Variants in TSPYL1 observed in about 807,000 individuals in gnomAD.
TSPYL1 encodes the protein TSPY like 1, also known as testis-specific Y-encoded-like protein 1.
Under a neutral mutation model 20.1 loss-of-function variants are expected in TSPYL1, and 16 were observed. The observed-to-expected ratio is 0.80, with a 90% CI of 0.54 to 1.21. TSPYL1 has a LOEUF of 1.21. Among genes scored for constraint, TSPYL1 ranks in the 50% most tolerant of loss-of-function variants. TSPYL1 has a pLI of 0.00. For synonymous variants in TSPYL1, 259 were observed against 227.1 expected (o/e 1.14, Z -1.26); for missense variants, 560 against 569.3 (o/e 0.98, Z 0.17).
rs563348468 is a variant in TSPYL1, at chr6:116,276,596, A to G, written c.*1921T>C. The G allele has an allele frequency of 1.3e-5, 2 of 152,208 alleles. No individual in the cohort carries two copies. Among genetic ancestry groups the G allele is most frequent in the African/African-American group, 4.8e-5 (2 of 41,476 alleles). 9.4% of individuals were successfully genotyped at this position (152,208 alleles called of 1,614,324 possible). A position where few individuals can be genotyped will look rare whatever the true frequency, so the allele number is the denominator to read the frequency against. On this transcript the variant is annotated 3_prime_UTR_variant, in exon 1 of 1. Coordinates refer to ENST00000368608, the MANE Select transcript of TSPYL1 (RefSeq NM_003309.4). ...ACTTTAATGATTTTAATCCATTAAGAACTTTAATGATTTTAATCCATTAAG... is the reference window on the plus strand; with the variant it reads ...ACTTTAATGATTTTAATCCATTAAGGACTTTAATGATTTTAATCCATTAAG...
Position 116,279,076 on chromosome 6 carries a change from T to G in TSPYL1, c.755A>C (p.Gln252Pro). The change falls in exon 1 of 1, where the codon CAG becomes CCG. Residue 252 changes from glutamine (Q) to proline (P), a missense_variant. Coordinates refer to ENST00000368608, the MANE Select transcript of TSPYL1 (RefSeq NM_003309.4). ...CATCCGCCCAAACTTGTGCTCCAGC[T>G]GTTGGAAGGCCCTGTCGGCCTGAGC... ...VNAQADRAFQQLEHKFGRMRR... is the reference protein window; with the variant it reads ...VNAQADRAFQPLEHKFGRMRR... 6.2e-7 allele frequency: 1 copy of G among 1,613,482 alleles called. No individual in the cohort carries two copies. The highest frequency in any genetic ancestry group is 8.5e-7 in the Non-Finnish European group (1 of 1,179,466).
chr6:116,279,540 C>T lies in TSPYL1; in HGVS notation c.291G>A (p.Gly97=), dbSNP rs1773364923. The change falls in exon 1 of 1, where the codon GGG becomes GGA. Residue 97 remains glycine (G), a synonymous_variant. Transcript: ENST00000368608. ...GGRGHVAIKA[G]QEEGQPPAEG... is the part of the protein sequence containing the mutation. ...CGGCGGGAGGCTGGCCCTCTTCCTG[C>T]CCGGCTTTGATCGCCACATGACCGC... is the stretch of plus-strand genomic sequence containing the variant. 6.2e-7 allele frequency: 1 copy of T among 1,605,238 alleles called. No individual in the cohort carries two copies. Among genetic ancestry groups the T allele is most frequent in the Non-Finnish European group, 8.5e-7 (1 of 1,179,982 alleles).
rs1377271875 is a variant in TSPYL1, at chr6:116,275,702, A to C, written c.*2815T>G. On this transcript the variant is annotated 3_prime_UTR_variant, in exon 1 of 1. Coordinates refer to ENST00000368608, the MANE Select transcript of TSPYL1 (RefSeq NM_003309.4). ...GTAGTCCCAGCTACTCGGGAGGCTGATGCTGGAGAACTGCTTGAAACCGGG... is the reference window on the plus strand; with the variant it reads ...GTAGTCCCAGCTACTCGGGAGGCTGCTGCTGGAGAACTGCTTGAAACCGGG... Among the ~76,000 whole-genome samples the C allele has an allele frequency of 6.6e-6, 1 of 151,482 alleles. No individual in the cohort carries two copies. Among genetic ancestry groups the C allele is most frequent in the African/African-American group, 2.4e-5 (1 of 41,192 alleles).
Position 116,278,948 on chromosome 6 carries a change from C to G in TSPYL1, c.883G>C (p.Gly295Arg). 2 of 1,614,056 alleles carry G rather than the reference C, an allele frequency of 1.2e-6. No homozygotes were observed. Among genetic ancestry groups the G allele is most frequent in the Non-Finnish European group, 1.7e-6 (2 of 1,180,032 alleles). ...TACCTTAACATCTCTGCATCTTGGC[C>G]CCTAATCATGGCGGACAACTGGGGG... ...NHPQLSAMIR[G>R]QDAEMLRYIT... Residue 295 changes from glycine to arginine, a missense_variant, in exon 1 of 1, where the codon GGC becomes CGC. Coordinates refer to ENST00000368608, the MANE Select transcript of TSPYL1 (RefSeq NM_003309.4).
In TSPYL1 at chr6:116,279,081, G is replaced by C. The variant is rs1186578989; in HGVS notation, c.750C>G (p.Phe250Leu). ...GCCCAAACTTGTGCTCCAGCTGTTG[G>C]AAGGCCCTGTCGGCCTGAGCATTCA... ...DTVNAQADRA[F>L]QQLEHKFGRM... The change falls in exon 1 of 1, where the codon TTC (phenylalanine) becomes TTG (leucine). Residue 250 changes from phenylalanine to leucine, a missense_variant. Physicochemically the swap from Phe to Leu is conservative, Grantham distance 22 (BLOSUM62 0). Coordinates refer to ENST00000368608, the MANE Select transcript of TSPYL1 (RefSeq NM_003309.4). 2 of 1,613,502 alleles carry C rather than the reference G, an allele frequency of 1.2e-6. No individual in the cohort carries two copies. Among genetic ancestry groups the C allele is most frequent in the South Asian group, 2.2e-5 (2 of 91,082 alleles).
rs1425531663 is a variant in TSPYL1 at position 116,278,102 on chromosome 6, G to A, written c.*415C>T. The A allele has an allele frequency of 4.5e-6, 1 of 220,948 alleles. No homozygotes were observed. The allele number at this position is 220,948 out of a possible 1,614,324, so 13.7% of individuals were successfully genotyped here. A position where few individuals can be genotyped will look rare whatever the true frequency, so the allele number is the denominator to read the frequency against. On this transcript the variant is annotated 3_prime_UTR_variant, in exon 1 of 1. Transcript: ENST00000368608. ...ATTAACGTCCAGTAACTGTCCACAG[G>A]GCATGTGCCCATACTGCTCAATGCA...
Position 116,279,843 on chromosome 6 carries a change from C to A in TSPYL1, c.-13G>T. 6.2e-7 allele frequency: 1 copy of A among 1,613,016 alleles called. No individual in the cohort carries two copies. Among genetic ancestry groups the A allele is most frequent in the Non-Finnish European group, 8.5e-7 (1 of 1,180,020 alleles). ...CCAGGCCGCTCATGTTGCTAACAGT[C>A]GGACCAACCGCAGGCGAACGCCCGT... On this transcript the variant is annotated 5_prime_UTR_variant, in exon 1 of 1. Coordinates refer to ENST00000368608, the MANE Select transcript of TSPYL1 (RefSeq NM_003309.4).
At position 116,278,283 on chromosome 6, in the gene TSPYL1, C is replaced by T; in HGVS notation, c.*234G>A. ...GGCTTACAAGTAGTGTGAAGGATGA[C>T]CTCGTAGCATGTGATATTCCAGAAC... On this transcript the variant is annotated 3_prime_UTR_variant, in exon 1 of 1. Transcript: ENST00000368608. The T allele has an allele frequency of 1.8e-6, 1 of 545,074 alleles. No individual in the cohort carries two copies. 33.8% of individuals were successfully genotyped at this position (545,074 alleles called of 1,614,324 possible). A position where few individuals can be genotyped will look rare whatever the true frequency, so the allele number is the denominator to read the frequency against.
At position 116,279,812 on chromosome 6, in the gene TSPYL1, C is replaced by A; in HGVS notation, c.19G>T (p.Val7Phe). MSGLDG[V>F]KRTTPLQTHS... ...GTTTGGAGGGGAGTGGTCCTCTTGA[C>A]CCCATCCAGGCCGCTCATGTTGCTA... Residue 7 changes from valine (V) to phenylalanine (F), a missense_variant, in exon 1 of 1, where the codon GTC becomes TTC. Coordinates refer to ENST00000368608, the MANE Select transcript of TSPYL1 (RefSeq NM_003309.4). The A allele has an allele frequency of 6.2e-7, 1 of 1,613,018 alleles. No individual in the cohort carries two copies. Among genetic ancestry groups the A allele is most frequent in the Middle Eastern group, 1.6e-4 (1 of 6,062 alleles).
rs1236596642 is a variant in TSPYL1 at position 116,275,505 on chromosome 6, CATT to C, written c.*3009_*3011del. ...TTTATCTGCTGACAACTATGCAAAACATTATGCTAGATGGGCTGGGTGCGGTGG... is the reference window on the plus strand; with the variant it reads ...TTTATCTGCTGACAACTATGCAAAACATGCTAGATGGGCTGGGTGCGGTGG... On this transcript the variant is annotated 3_prime_UTR_variant, in exon 1 of 1. Transcript: ENST00000368608. 4.6e-5 allele frequency among the ~76,000 whole-genome samples: 7 copies of C among 152,294 alleles called. No homozygotes were observed. The East Asian group carries it at 1.4e-3, about 29-fold the overall frequency.
rs758899726 is a variant in TSPYL1 at position 116,275,296 on chromosome 6, T to C, written c.*3221A>G. Reference sequence around the variant, plus strand: ...AACCCAAAATTAAGTAGTGCTCTGTTAAAATGCAAGTGAAAGATTTAATGT... The same window carrying C: ...AACCCAAAATTAAGTAGTGCTCTGTCAAAATGCAAGTGAAAGATTTAATGT... On this transcript the variant is annotated 3_prime_UTR_variant, in exon 1 of 1. Transcript: ENST00000368608. Among the ~76,000 whole-genome samples the C allele has an allele frequency of 2.4e-4, 36 of 152,244 alleles. No individual in the cohort carries two copies. Among genetic ancestry groups the C allele is most frequent in the Non-Finnish European group, 4.6e-4 (31 of 68,044 alleles).
At position 116,279,570 on chromosome 6, in the gene TSPYL1, C is replaced by G; in HGVS notation, c.261G>C (p.Gly87=). 6.2e-7 allele frequency: 1 copy of G among 1,602,836 alleles called. No homozygotes were observed. Among genetic ancestry groups the G allele is most frequent in the Non-Finnish European group, 8.5e-7 (1 of 1,179,936 alleles). Residue 87 remains glycine (G), a synonymous_variant, in exon 1 of 1, where the codon GGG becomes GGC. Coordinates refer to ENST00000368608, the MANE Select transcript of TSPYL1 (RefSeq NM_003309.4). The part of the protein sequence containing the change: ...RGGTPQIRVV[G]GRGHVAIKAG... The stretch of plus-strand genomic sequence containing the variant: ...CTTTGATCGCCACATGACCGCGACC[C>G]CCAACAACTCGGATCTGGGGAGTAC...
chr6:116,275,778 G>A lies in TSPYL1; in HGVS notation c.*2739C>T, dbSNP rs1041113380. On this transcript the variant is annotated 3_prime_UTR_variant, in exon 1 of 1. Coordinates refer to ENST00000368608, the MANE Select transcript of TSPYL1 (RefSeq NM_003309.4). Reference sequence around the variant, plus strand: ...TCGCGCCACTTGCGCTCCAGCCTGGGCAAGAGTGGGACTCTATCTCAAAAA... The same window carrying A: ...TCGCGCCACTTGCGCTCCAGCCTGGACAAGAGTGGGACTCTATCTCAAAAA... Among the ~76,000 whole-genome samples the A allele has an allele frequency of 1.4e-5, 2 of 143,508 alleles. No individual in the cohort carries two copies. Among genetic ancestry groups the A allele is most frequent in the Non-Finnish European group, 3.0e-5 (2 of 67,366 alleles). The allele number at this position is 143,508 out of a possible 152,430, so 94.1% of individuals were successfully genotyped here.
rs1345997392 is a variant in TSPYL1, at chr6:116,274,966, A to G, written c.*3551T>C. Reference sequence around the variant, plus strand: ...TAATTTTAGATTTACTAGTAGCCACATTAAACAATGGCAAAATGAGGATAA... The same window carrying G: ...TAATTTTAGATTTACTAGTAGCCACGTTAAACAATGGCAAAATGAGGATAA... On this transcript the variant is annotated 3_prime_UTR_variant, in exon 1 of 1. Coordinates refer to ENST00000368608, the MANE Select transcript of TSPYL1 (RefSeq NM_003309.4). Among the ~76,000 whole-genome samples the G allele has an allele frequency of 4.6e-5, 7 of 152,262 alleles. No individual in the cohort carries two copies. The highest frequency in any genetic ancestry group is 6.5e-5 in the Admixed American group (1 of 15,294).
Position 116,279,746 on chromosome 6 carries a change from C to T in TSPYL1, c.85G>A (p.Asp29Asn), listed in dbSNP as rs1286511804. The change falls in exon 1 of 1, where the codon GAC (aspartate) becomes AAC (asparagine). Residue 29 changes from aspartate (D) to asparagine (N), a missense_variant. Coordinates refer to ENST00000368608, the MANE Select transcript of TSPYL1 (RefSeq NM_003309.4). Reference protein sequence around the residue: ...IISDQVPSDQDAHQYLRLRDQ... With the variant: ...IISDQVPSDQNAHQYLRLRDQ... ...CGGAGCCTCAGGTACTGGTGTGCGTCCTGGTCGCTCGGGACTTGGTCAGAA... is the reference window on the plus strand; with the variant it reads ...CGGAGCCTCAGGTACTGGTGTGCGTTCTGGTCGCTCGGGACTTGGTCAGAA... 6.2e-7 allele frequency: 1 copy of T among 1,612,012 alleles called. No individual in the cohort carries two copies. The highest frequency in any genetic ancestry group is 8.5e-7 in the Non-Finnish European group (1 of 1,180,040).
In TSPYL1 at chr6:116,279,280, T is replaced by A; in HGVS notation, c.551A>T (p.Glu184Val). The A allele has an allele frequency of 1.3e-6, 2 of 1,576,236 alleles. No individual in the cohort carries two copies. The highest frequency in any genetic ancestry group is 2.3e-5 in the East Asian group (1 of 43,166). The part of the protein sequence containing the change: ...EVVKEGLAEK[E>V]VMEEQMEVEE... ...TACCTCCATCTGCTCCTCCATTACC[T>A]CCTTCTCCGCCAGGCCTTCCTTCAC... The change falls in exon 1 of 1, where the codon GAG (glutamate) becomes GTG (valine). Residue 184 changes from glutamate to valine, a missense_variant. Glu to Val is a moderately radical substitution (Grantham distance 121, BLOSUM62 -2). Transcript: ENST00000368608.
rs578137459 is a variant in TSPYL1, at chr6:116,279,591, A to G, written c.240T>C (p.Thr80=). ...GACCCCCAACAACTCGGATCTGGGG[A>G]GTACCGCCACGGCCCGCGGCATCCT... ...VPQDAAGRGG[T]PQIRVVGGRG... is the part of the protein sequence containing the mutation. The change falls in exon 1 of 1, where the codon ACT becomes ACC. Residue 80 remains threonine (T), a synonymous_variant. Transcript: ENST00000368608. 72 of 1,602,132 alleles carry G rather than the reference A, an allele frequency of 4.5e-5. No homozygotes were observed. The African/African-American group carries it at 9.3e-4, about 21-fold the overall frequency.
Position 116,278,153 on chromosome 6 carries a change from C to T in TSPYL1, c.*364G>A, listed in dbSNP as rs1773255503. ...GAGCTGAGTAGGTGGAACAGGCTCC[C>T]AAAGCTAGAAATCCAAGTGACAGCA... is the stretch of plus-strand genomic sequence containing the variant. On this transcript the variant is annotated 3_prime_UTR_variant, in exon 1 of 1. Transcript: ENST00000368608. 6.4e-6 allele frequency: 2 copies of T among 311,512 alleles called. No individual in the cohort carries two copies. The highest frequency in any genetic ancestry group is 5.9e-5 in the South Asian group (2 of 33,796). 19.3% of individuals were successfully genotyped at this position (311,512 alleles called of 1,614,324 possible). A position where few individuals can be genotyped will look rare whatever the true frequency, so the allele number is the denominator to read the frequency against.
rs575626967 is a variant in TSPYL1 at position 116,278,082 on chromosome 6, C to T, written c.*435G>A. On this transcript the variant is annotated 3_prime_UTR_variant, in exon 1 of 1. Transcript: ENST00000368608. ...TGCTTTTCTCCTCTGAGTTCATTAA[C>T]GTCCAGTAACTGTCCACAGGGCATG... is the stretch of plus-strand genomic sequence containing the variant. 8.0e-4 allele frequency: 151 copies of T among 187,616 alleles called. 2 individuals carry two copies. The South Asian group carries it at 0.014, about 17-fold the overall frequency. 11.6% of individuals were successfully genotyped at this position (187,616 alleles called of 1,614,324 possible).
Sources: allele counts gnomAD v4.1 joint callset (sites outside exome capture counted in the v4.1 genomes callset), GRCh38; gene constraint gnomAD v4.1.1; transcripts MANE v1.5; gene names NCBI Gene and HGNC (gene_info 2026-07-23, HGNC 2026-07-21).